The following SLC9C1 variants were observed in gnomAD, a reference collection of about 807,000 sequenced individuals.
The protein encoded by SLC9C1 is sodium/hydrogen exchanger 10.
Under a neutral mutation model 140.9 loss-of-function variants are expected in SLC9C1, and 97 were observed. The observed-to-expected ratio is 0.69, with a 90% CI of 0.58 to 0.82. The LOEUF (loss-of-function observed/expected upper bound fraction) is 0.82, where lower values mean the gene tolerates loss of function less well. Among genes scored for constraint, SLC9C1 ranks in the 40% least tolerant of loss-of-function variants. SLC9C1 has a pLI of 0.00. For synonymous variants in SLC9C1, 440 were observed against 442.6 expected, an observed-to-expected ratio of 0.99 and a Z score of 0.07; for missense variants, 1,340 against 1,389.3, an observed-to-expected ratio of 0.96 and a Z score of 0.56.
At chr3:112,223,543 T>C (rs1483842573) in intron 13 of SLC9C1, among the ~76,000 whole-genome samples, 2 of 146,246 alleles carry the variant, frequency 1.4e-5, no homozygotes, top group Non-Finnish European at 3.0e-5. Context: ...TAAAATTAGA[T>C]ACTTTTTGAA....
chr3:112,148,383 A>G (rs1268306156), intron 28 of SLC9C1, among the ~76,000 whole-genome samples: 1 of 152,188 alleles, frequency 6.6e-6, no homozygotes, highest in Non-Finnish European at 1.5e-5. Flanking sequence ...ATCTGGAGAC[A>G]CTGGCACTTC....
intron 23 of SLC9C1, among the ~76,000 whole-genome samples, chr3:112,179,074 T>C (rs1040130862): frequency 5.3e-5 from 8 of 152,206 alleles, no homozygotes; most frequent in African/African-American, 1.9e-4. Flanking sequence ...AGTTTAATTA[T>C]TTGCAGTCAT....
At chr3:112,168,367 A>ACACACACAC (rs200097066) in intron 25 of SLC9C1, among the ~76,000 whole-genome samples, 3 of 53,024 alleles carry the variant, frequency 5.7e-5, no homozygotes, top group Admixed American at 4.4e-4. Flanking sequence ...ACACACACAC[A>ACACACACAC]ACTTCTTTCC....
At chr3:112,181,605 A>C (rs1230706372) in intron 21 of SLC9C1, among the ~76,000 whole-genome samples, 1 of 152,180 alleles carries the variant, frequency 6.6e-6, no homozygotes, top group Non-Finnish European at 1.5e-5. Flanking sequence ...AGATAATTGT[A>C]ATGTAATGTA....
At chr3:112,207,733 C>G (rs1252132937) in intron 16 of SLC9C1, among the ~76,000 whole-genome samples, 2 of 152,120 alleles carry the variant, frequency 1.3e-5, no homozygotes, top group East Asian at 3.8e-4. Context: ...ATTGCTTTCC[C>G]TTGAATACCT....
At chr3:112,209,115 G>T (rs1457428481) in intron 15 of SLC9C1, among the ~76,000 whole-genome samples, 1 of 152,090 alleles carries the variant, frequency 6.6e-6, no homozygotes, top group African/African-American at 2.4e-5. Flanking sequence ...TTAATTAATT[G>T]CCGATTGAAG....
At chr3:112,276,929 T>C (rs2080230036) in intron 5 of SLC9C1, among the ~76,000 whole-genome samples, 1 of 152,162 alleles carries the variant, frequency 6.6e-6, no homozygotes, top group African/African-American at 2.4e-5. Context: ...CTACTCTATA[T>C]TTCTACCTGC....
chr3:112,211,861 G>A (rs2078216441), intron 15 of SLC9C1, among the ~76,000 whole-genome samples: 1 of 152,206 alleles, frequency 6.6e-6, no homozygotes, highest in Admixed American at 6.5e-5. Context: ...GAGAGTAGTG[G>A]TTCTCCCAGC....
chr3:112,289,288 G>T (rs2080608376), intron 1 of SLC9C1, among the ~76,000 whole-genome samples: 2 of 152,332 alleles, frequency 1.3e-5, no homozygotes, highest in Non-Finnish European at 2.9e-5. Context: ...GCAAAAGAGT[G>T]TTAGAAATAA....
chr3:112,191,925 G>A lies in SLC9C1; in HGVS notation c.2523+7396C>T, dbSNP rs369885946. Reference sequence around the variant, plus strand: ...TATTATATATTAGACTACCATGTGTGTTTATGTTTGCTATTGGACTCAACT... The same window carrying A: ...TATTATATATTAGACTACCATGTGTATTTATGTTTGCTATTGGACTCAACT... On this transcript the variant is annotated intron_variant, in intron 20 of 28. Transcript: ENST00000305815. Among the ~76,000 whole-genome samples, 216 of 151,908 alleles carry A rather than the reference G, an allele frequency of 1.4e-3. 3 individuals are homozygous for A. The highest frequency in any genetic ancestry group is 0.013 in the East Asian group (66 of 5,174).
intron 26 of SLC9C1, among the ~76,000 whole-genome samples, chr3:112,160,819 G>A (rs2075275656): frequency 1.3e-5 from 2 of 151,612 alleles, no homozygotes; most frequent in African/African-American, 4.9e-5. Flanking sequence ...GGTATTTCTA[G>A]TTCTAGATCC....
chr3:112,289,185 C>A (rs577897831), intron 1 of SLC9C1, among the ~76,000 whole-genome samples: 33 of 152,236 alleles, frequency 2.2e-4, no homozygotes, highest in South Asian at 1.7e-3. Context: ...CCAAATGTTA[C>A]CAGAAATACA....
intron 15 of SLC9C1, among the ~76,000 whole-genome samples, chr3:112,209,286 C>T (rs1313426107): frequency 1.3e-5 from 2 of 152,130 alleles, no homozygotes; most frequent in Non-Finnish European, 2.9e-5. Flanking sequence ...CCTCCAAGGC[C>T]TCTGGCAGTT....
At chr3:112,273,550 C>T (rs77134019) in intron 6 of SLC9C1, among the ~76,000 whole-genome samples, 2 of 152,222 alleles carry the variant, frequency 1.3e-5, no homozygotes, top group East Asian at 3.9e-4. Flanking sequence ...CCTGGATCAG[C>T]TCCTTTGAGG....
chr3:112,164,454 T>G (rs1210664867), intron 26 of SLC9C1, among the ~76,000 whole-genome samples: 3 of 140,826 alleles, frequency 2.1e-5, no homozygotes, highest in South Asian at 2.7e-4. Context: ...AGGAGCTCTT[T>G]TAGGGCAGGC....
intron 23 of SLC9C1, among the ~76,000 whole-genome samples, chr3:112,170,776 C>T (rs1409697941): frequency 1.3e-5 from 2 of 152,106 alleles, no homozygotes; most frequent in African/African-American, 4.8e-5. Context: ...TCTCTTGGGT[C>T]AGTATCTTTT....
At chr3:112,198,796 T>C (rs895840516) in intron 20 of SLC9C1, among the ~76,000 whole-genome samples, 1 of 152,002 alleles carries the variant, frequency 6.6e-6, no homozygotes, top group Non-Finnish European at 1.5e-5. Flanking sequence ...TATGTGTATT[T>C]ACAAGTATAA....
intron 23 of SLC9C1, among the ~76,000 whole-genome samples, chr3:112,174,868 C>T (rs886600356): frequency 1.4e-5 from 2 of 138,146 alleles, no homozygotes; most frequent in Admixed American, 7.4e-5. Context: ...CCAGGCCAGG[C>T]AGCCCTGCCC....
chr3:112,179,684 T>G lies in SLC9C1; in HGVS notation c.2766A>C (p.Pro922=), dbSNP rs776776390. 15 of 1,600,874 alleles carry G rather than the reference T, an allele frequency of 9.4e-6. No homozygotes were observed. The South Asian group carries it at 1.5e-4, about 16-fold the overall frequency. ...CCACCATTTGATCAATCCCTAAACC[T>G]GGCTTTGATTTTTCAAGCTGTTCAG... The part of the protein sequence containing the change: ...SGMVKLEKSK[P]GLGIDQMVES... Residue 922 remains proline, a synonymous_variant, in exon 23 of 29, where the codon CCA becomes CCC. Transcript: ENST00000305815.
Sources: allele counts gnomAD v4.1 joint callset (sites outside exome capture counted in the v4.1 genomes callset), GRCh38; gene constraint gnomAD v4.1.1; transcripts MANE v1.5; gene names NCBI Gene and HGNC (gene_info 2026-07-23, HGNC 2026-07-21).